UBP1: variants seen among roughly 807,000 people sequenced by gnomAD.
UBP1 encodes the protein upstream-binding protein 1.
UBP1 carries 22 observed loss-of-function variants against 76.1 expected under a neutral mutation model. The observed-to-expected ratio is 0.29, with a 90% CI of 0.21 to 0.41. The LOEUF is 0.41. UBP1 is among the 10% of genes least tolerant of loss of function. The pLI, the probability that UBP1 is intolerant of heterozygous loss-of-function variation, is 1.00. For missense variants in UBP1, 436 were observed against 668.1 expected (o/e 0.65, Z 3.83); for synonymous variants, 224 against 237.1 (o/e 0.94, Z 0.51).
At chr3:33,394,814 CTTGTTT>C (rs770661786) in intron 13 of UBP1, among the ~76,000 whole-genome samples, 11 of 122,104 alleles carry the variant, frequency 9.0e-5, no homozygotes, top group Non-Finnish European at 1.1e-4. Flanking sequence ...CTGCCCTCCA[CTTGTTT>C]TTTTTTTTTT....
At chr3:33,399,663 G>T (rs1221509908) in intron 11 of UBP1, among the ~76,000 whole-genome samples, 1 of 152,172 alleles carries the variant, frequency 6.6e-6, no homozygotes, top group Non-Finnish European at 1.5e-5. Flanking sequence ...AAGGGTGTGG[G>T]TGTGACTCCG....
At chr3:33,414,340 C>A (rs2044675338) in intron 3 of UBP1, 1 of 151,992 alleles carries the variant, frequency 6.6e-6, no homozygotes, top group South Asian at 2.1e-4. Context: ...GAGAAAATCT[C>A]GTTATCTGAA....
Position 33,409,354 on chromosome 3 carries a change from A to G in UBP1, c.709-8T>C. The G allele has an allele frequency of 6.2e-7, 1 of 1,614,114 alleles. No homozygotes were observed. The highest frequency in any genetic ancestry group is 8.5e-7 in the Non-Finnish European group (1 of 1,179,988). ...CCTGTCTGCACCTTTAGGCTTAAAA[A>G]CAAAGTATACTATTTCATCTATCAG... On this transcript the variant is annotated splice_polypyrimidine_tract_variant and splice_region_variant and intron_variant, in intron 6 of 15. Transcript: ENST00000283629.
chr3:33,425,465 G>T, intron 2 of UBP1, 125 bp downstream of exon 2: 1 of 1,044,480 alleles, frequency 9.6e-7, no homozygotes, highest in Non-Finnish European at 1.3e-6. Context: ...TTTTCATTAA[G>T]TTGTAAAATT....
intron 7 of UBP1, 109 bp downstream of exon 7, chr3:33,409,127 A>C (rs2044506259): frequency 9.4e-7 from 1 of 1,062,710 alleles, no homozygotes; most frequent in Non-Finnish European, 1.4e-6. Context: ...ATAACATGTC[A>C]AACTGCCACC....
chr3:33,412,915 G>A (rs943766158), intron 3 of UBP1, 88 bp from the exon 4 acceptor site: 6 of 837,102 alleles, frequency 7.2e-6, no homozygotes, highest in East Asian at 2.4e-5. Flanking sequence ...TTAACCTGTA[G>A]CAGTAGAACA....
At chr3:33,428,605 C>T (rs959298698) in intron 1 of UBP1, among the ~76,000 whole-genome samples, 2 of 152,008 alleles carry the variant, frequency 1.3e-5, no homozygotes, top group Admixed American at 6.6e-5. Context: ...AAGTGCTAAA[C>T]GACTCCTGAA....
At chr3:33,432,225 G>C (rs2045126677) in intron 1 of UBP1, among the ~76,000 whole-genome samples, 1 of 152,130 alleles carries the variant, frequency 6.6e-6, no homozygotes, top group South Asian at 2.1e-4. Context: ...TAGGGAGGCA[G>C]AGGTAGGAGA....
Position 33,390,229 on chromosome 3 carries a change from T to C in UBP1, c.*102A>G. The C allele has an allele frequency of 2.5e-6, 3 of 1,207,798 alleles. No individual in the cohort carries two copies. The highest frequency in any genetic ancestry group is 3.6e-6 in the Non-Finnish European group (3 of 838,098). 74.8% of individuals were successfully genotyped at this position (1,207,798 alleles called of 1,614,324 possible). On this transcript the variant is annotated 3_prime_UTR_variant, in exon 16 of 16. Transcript: ENST00000283629. Reference sequence around the variant, plus strand: ...ATCTTGTGTTTTCAATATGAAACATTTCATATGGTAAAATCCAATCCCAAG... The same window carrying C: ...ATCTTGTGTTTTCAATATGAAACATCTCATATGGTAAAATCCAATCCCAAG...
intron 3 of UBP1, among the ~76,000 whole-genome samples, chr3:33,414,642 A>T (rs2044684514): frequency 6.6e-6 from 1 of 152,166 alleles, no homozygotes; most frequent in African/African-American, 2.4e-5. Flanking sequence ...TTCTCTAGCT[A>T]AAAAAAGGAT....
Position 33,409,222 on chromosome 3 carries a change from C to CT in UBP1, c.819+13dup. On this transcript the variant is annotated intron_variant, in intron 7 of 15. Coordinates refer to ENST00000283629, the MANE Select transcript of UBP1 (RefSeq NM_014517.5). Reference sequence around the variant, plus strand: ...TTTGCTTCTCTTCCAAAACCAAATGCTTTACTACATTACCTCTGTGAGGAT... The same window carrying CT: ...TTTGCTTCTCTTCCAAAACCAAATGCTTTTACTACATTACCTCTGTGAGGAT... The CT allele has an allele frequency of 6.2e-7, 1 of 1,611,998 alleles. No individual in the cohort carries two copies. Among genetic ancestry groups the CT allele is most frequent in the Non-Finnish European group, 8.5e-7 (1 of 1,178,796 alleles).
At position 33,395,430 on chromosome 3, in the gene UBP1, T is replaced by C. The variant is rs566513841; in HGVS notation, c.1390+732A>G. Reference sequence around the variant, plus strand: ...TATCCATACAATAAATGAGAAAATATATGCCTTTTAAAATGCTTGCTTTTT... The same window carrying C: ...TATCCATACAATAAATGAGAAAATACATGCCTTTTAAAATGCTTGCTTTTT... On this transcript the variant is annotated intron_variant, in intron 13 of 15. Coordinates refer to ENST00000283629, the MANE Select transcript of UBP1 (RefSeq NM_014517.5). Among the ~76,000 whole-genome samples the C allele has an allele frequency of 2.6e-5, 4 of 152,152 alleles. No individual in the cohort carries two copies. The East Asian group carries it at 7.7e-4, about 29-fold the overall frequency.
chr3:33,395,267 A>G (rs2043929451), intron 13 of UBP1, among the ~76,000 whole-genome samples: 1 of 151,784 alleles, frequency 6.6e-6, no homozygotes, highest in Admixed American at 6.6e-5. Flanking sequence ...ACCACAAGAC[A>G]TTTTTCAGAG....
rs1385670812 is a variant in UBP1 at position 33,402,623 on chromosome 3, GGCT to G, written c.1031+175_1031+177del. On this transcript the variant is annotated intron_variant, in intron 9 of 15. Transcript: ENST00000283629. ...GGCACAAGGGGCTCGGAGTAAAAAA[GGCT>G]GGTAGGTGAAGAAAAGACAATGATT... 2.0e-5 allele frequency among the ~76,000 whole-genome samples: 3 copies of G among 152,132 alleles called. No homozygotes were observed. In the East Asian group the frequency reaches 5.8e-4, roughly 29 times the overall value.
intron 2 of UBP1, 62 bp downstream of exon 2, chr3:33,425,528 C>A: frequency 1.4e-6 from 2 of 1,429,816 alleles, no homozygotes; most frequent in South Asian, 1.6e-5. Flanking sequence ...GCTACAATGC[C>A]AAAATATTAT....
At chr3:33,426,088 A>T (rs1479269527) in intron 1 of UBP1, among the ~76,000 whole-genome samples, 2 of 144,176 alleles carry the variant, frequency 1.4e-5, no homozygotes, top group Non-Finnish European at 3.0e-5. Flanking sequence ...TTCTTTCTAT[A>T]AAAAAAAAGC....
chr3:33,410,944 ACACCTGTAATCCCAG>A (rs1037798963), intron 5 of UBP1, among the ~76,000 whole-genome samples: 145 of 151,984 alleles, frequency 9.5e-4, no homozygotes, highest in Non-Finnish European at 1.7e-3. Flanking sequence ...ATTGTGGTGC[ACACCTGTAATCCCAG>A]CTACTCAGGA....
Position 33,411,680 on chromosome 3 carries a change from T to C in UBP1, c.456A>G (p.Pro152=), listed in dbSNP as rs371999070. 2.5e-6 allele frequency: 4 copies of C among 1,613,040 alleles called. No individual in the cohort carries two copies. The South Asian group carries it at 3.3e-5, about 13-fold the overall frequency. Residue 152 remains proline, a synonymous_variant, in exon 5 of 16, where the codon CCA becomes CCG. Transcript: ENST00000283629. The stretch of plus-strand genomic sequence containing the variant: ...TTGTGTCAATTATTCCCACAGACAT[T>C]GGAATATCTATGTTTTAAAAAGAAG... ...PGDRLLDLDI[P]MSVGIIDTRT...
intron 13 of UBP1, among the ~76,000 whole-genome samples, chr3:33,394,222 T>TTA (rs1271050296): frequency 1.4e-5 from 2 of 146,226 alleles, no homozygotes; most frequent in East Asian, 3.9e-4. Flanking sequence ...ATTATTATTA[T>TTA]TATTTGTAGA....
Sources: gnomAD v4.1 joint callset for allele counts (sites outside exome capture counted in the v4.1 genomes callset) on GRCh38, gnomAD v4.1.1 for gene constraint, MANE v1.5 for transcripts, NCBI Gene and HGNC (gene_info 2026-07-23, HGNC 2026-07-21) for gene names.